The following SYN3 variants were observed in gnomAD, a reference collection of about 807,000 sequenced individuals.
SYN3 encodes the protein synapsin-3.
In SYN3, 35 loss-of-function variants were observed where a neutral mutation model predicts 65.8. The ratio of observed to expected loss-of-function variants is 0.53; its 90% CI spans 0.41 to 0.70. The LOEUF (loss-of-function observed/expected upper bound fraction) is 0.70, where lower values mean the gene tolerates loss of function less well. SYN3 is among the 30% of genes least tolerant of loss of function. The pLI is 0.00. For missense variants in SYN3, 680 were observed against 749.0 expected, an observed-to-expected ratio of 0.91 and a Z score of 1.08; for synonymous variants, 270 against 292.9, an observed-to-expected ratio of 0.92 and a Z score of 0.80.
At chr22:32,564,827 G>T (rs1170214649) in intron 7 of SYN3, among the ~76,000 whole-genome samples, 1 of 148,570 alleles carries the variant, frequency 6.7e-6, no homozygotes, top group Admixed American at 6.7e-5. Context: ...TACCCAAACA[G>T]TGCTCCCGGA....
chr22:32,773,790 G>A (rs909228238), intron 6 of SYN3, among the ~76,000 whole-genome samples: 2 of 152,168 alleles, frequency 1.3e-5, no homozygotes, highest in Admixed American at 6.5e-5. Flanking sequence ...TACAGGGCCT[G>A]CAACTGAATT....
At chr22:32,900,691 A>G (rs886276393) in intron 4 of SYN3, among the ~76,000 whole-genome samples, 1 of 152,174 alleles carries the variant, frequency 6.6e-6, no homozygotes, top group Non-Finnish European at 1.5e-5. Flanking sequence ...CAGTTTCCCA[A>G]TGGAATACCT....
At chr22:32,778,426 T>A (rs5754277) in intron 6 of SYN3, among the ~76,000 whole-genome samples, 4 of 151,702 alleles carry the variant, frequency 2.6e-5, no homozygotes, top group Admixed American at 6.6e-5. Context: ...GTAGCTGGGA[T>A]CACAGGCACA....
intron 6 of SYN3, among the ~76,000 whole-genome samples, chr22:32,709,985 C>T (rs1044105775): frequency 4.0e-5 from 6 of 151,286 alleles, no homozygotes; most frequent in Non-Finnish European, 8.8e-5. Context: ...AATGGCTTTG[C>T]ATATAAATCT....
chr22:32,788,130 G>T (rs910723684), intron 6 of SYN3, among the ~76,000 whole-genome samples: 1 of 152,048 alleles, frequency 6.6e-6, no homozygotes, highest in African/African-American at 2.4e-5. Context: ...TCTTGAAATC[G>T]GATAATCCAG....
At chr22:32,922,998 T>C (rs2050374343) in intron 4 of SYN3, among the ~76,000 whole-genome samples, 1 of 152,092 alleles carries the variant, frequency 6.6e-6, no homozygotes, top group Non-Finnish European at 1.5e-5. Context: ...AAGAGGAGAT[T>C]TATTATGGGG....
chr22:32,564,893 CT>C, intron 7 of SYN3, among the ~76,000 whole-genome samples: 3 of 150,496 alleles, frequency 2.0e-5, no homozygotes, highest in Non-Finnish European at 1.5e-5. Context: ...GGACTGCACC[CT>C]AACAGTGCTC....
At chr22:32,675,277 A>G (rs915903844) in intron 6 of SYN3, among the ~76,000 whole-genome samples, 4 of 152,082 alleles carry the variant, frequency 2.6e-5, no homozygotes, top group African/African-American at 7.2e-5. Flanking sequence ...AAGCCTTGTC[A>G]TATATCTTCC....
intron 2 of SYN3, among the ~76,000 whole-genome samples, chr22:33,003,964 A>T (rs2053132644): frequency 6.6e-6 from 1 of 152,232 alleles, no homozygotes; most frequent in Non-Finnish European, 1.5e-5. Context: ...AAAAGAGACC[A>T]AGGTACAGCT....
intron 6 of SYN3, among the ~76,000 whole-genome samples, chr22:32,659,925 C>A (rs1445919240): frequency 1.3e-5 from 2 of 152,178 alleles, no homozygotes; most frequent in African/African-American, 4.8e-5. Context: ...CTAAACTGTC[C>A]TCCAGCAAAT....
At chr22:33,043,430 C>T (rs137916360) in intron 1 of SYN3, among the ~76,000 whole-genome samples, 3,153 of 152,258 alleles carry the variant, frequency 0.021, 120 homozygotes, top group African/African-American at 0.071. Flanking sequence ...CACCTGTAAT[C>T]CCAGCTACTG....
chr22:32,508,460 C>T lies in SYN3; in HGVS notation c.*5232G>A, dbSNP rs919992792. Among the ~76,000 whole-genome samples the T allele has an allele frequency of 6.6e-6, 1 of 152,198 alleles. No homozygotes were observed. The highest frequency in any genetic ancestry group is 1.5e-5 in the Non-Finnish European group (1 of 68,038). ...GTGAAATAAACAGCCATGTTGCTCA[C>T]ACAAAGCCTGTTTAGTGGTCTCTTC... On this transcript the variant is annotated 3_prime_UTR_variant, in exon 14 of 14. Coordinates refer to ENST00000358763, the MANE Select transcript of SYN3 (RefSeq NM_003490.4).
At chr22:32,642,524 T>C (rs943820764) in intron 6 of SYN3, among the ~76,000 whole-genome samples, 9 of 151,898 alleles carry the variant, frequency 5.9e-5, no homozygotes, top group African/African-American at 1.7e-4. Context: ...CACTGCAAGC[T>C]CCGCCTCCTG....
At chr22:32,857,880 G>A (rs945139326) in intron 6 of SYN3, 2 of 1,310,094 alleles carry the variant, frequency 1.5e-6, no homozygotes, top group Admixed American at 1.7e-5. Flanking sequence ...TGTTGGGTAG[G>A]GTGAAATAAA....
chr22:32,510,641 A>C lies in SYN3; in HGVS notation c.*3051T>G, dbSNP rs1371985456. Among the ~76,000 whole-genome samples the C allele has an allele frequency of 6.6e-6, 1 of 152,194 alleles. No individual in the cohort carries two copies. Among genetic ancestry groups the C allele is most frequent in the Non-Finnish European group, 1.5e-5 (1 of 68,044 alleles). On this transcript the variant is annotated 3_prime_UTR_variant, in exon 14 of 14. Transcript: ENST00000358763. ...ACCCCTGAGTAAGGAGGGTGGATAT[A>C]TATTTTTTTAAGTGGAAGAAACCAA...
chr22:32,665,511 G>A (rs9619292), intron 6 of SYN3, among the ~76,000 whole-genome samples: 20,592 of 114,380 alleles, frequency 0.18, 2,373 homozygotes, highest in East Asian at 0.68. Flanking sequence ...ATATATATAT[G>A]TCTCACATAT....
intron 1 of SYN3, chr22:33,015,220 CA>C (rs1158885870): frequency 0.027 from 2,704 of 101,100 alleles, 4 homozygotes; most frequent in South Asian, 0.054. Flanking sequence ...GACTCCGTCT[CA>C]AAAAAAAAAA....
intron 4 of SYN3, among the ~76,000 whole-genome samples, chr22:32,907,113 C>T (rs866398281): frequency 6.6e-6 from 1 of 152,206 alleles, no homozygotes; most frequent in Non-Finnish European, 1.5e-5. Context: ...AACTAATTTA[C>T]ATTCCCACCA....
At chr22:32,573,081 T>A (rs2146439434) in intron 7 of SYN3, among the ~76,000 whole-genome samples, 1 of 152,300 alleles carries the variant, frequency 6.6e-6, no homozygotes, top group East Asian at 1.9e-4. Context: ...GGTGGAAATA[T>A]TTATACCCCA....
Sources: gnomAD v4.1 joint callset for allele counts (sites outside exome capture counted in the v4.1 genomes callset) on GRCh38, gnomAD v4.1.1 for gene constraint, MANE v1.5 for transcripts, NCBI Gene and HGNC (gene_info 2026-07-23, HGNC 2026-07-21) for gene names.